Variants in CCNG2 observed in about 807,000 individuals in gnomAD.
CCNG2 encodes cyclin G2, also known as cyclin-G2.
CCNG2 carries 20 observed loss-of-function variants against 36.5 expected under a neutral mutation model. The observed-to-expected ratio is 0.55, with a 90% confidence interval of 0.39 to 0.80. The LOEUF is 0.80. CCNG2 is among the 30% of genes least tolerant of loss of function. The pLI is 0.00. For synonymous variants in CCNG2, 155 were observed against 140.1 expected, an observed-to-expected ratio of 1.11 and a Z score of -0.75; for missense variants, 358 against 390.8, an observed-to-expected ratio of 0.92 and a Z score of 0.71.
rs34505988 is a variant in CCNG2 at position 77,161,099 on chromosome 4, C to CTTTTTTTTTT, written c.527+138_527+147dup. 5.3e-3 allele frequency: 1,640 copies of CTTTTTTTTTT among 307,450 alleles called. 84 individuals carry two copies. Among genetic ancestry groups the CTTTTTTTTTT allele is most frequent in the African/African-American group, 0.034 (1,094 of 31,878 alleles). The allele number at this position is 307,450 out of a possible 1,614,324, so 19.0% of individuals were successfully genotyped here. Reference sequence around the variant, plus strand: ...TTCAACTTTGACTTTATTGGTAAATCTTTTTTTTTTTTTTTTTTTGGAGAA... The same window carrying CTTTTTTTTTT: ...TTCAACTTTGACTTTATTGGTAAATCTTTTTTTTTTTTTTTTTTTTTTTTTTTTTGGAGAA... On this transcript the variant is annotated intron_variant, in intron 4 of 7. Transcript: ENST00000316355.
intron 7 of CCNG2, chr4:77,164,842 T>A (rs535990502): frequency 6.2e-6 from 1 of 160,204 alleles, no homozygotes; most frequent in African/African-American, 2.4e-5. Context: ...CGGCCTCTTT[T>A]CCCTTTTTAA....
chr4:77,160,687 A>C, intron 3 of CCNG2, 34 bp from the exon 4 acceptor site: 2 of 1,598,978 alleles, frequency 1.3e-6, no homozygotes, highest in Non-Finnish European at 1.7e-6. Flanking sequence ...TCAAAGTGAC[A>C]GTTGTTAAAA....
Position 77,157,519 on chromosome 4 carries a change from G to A in CCNG2, c.-1+13G>A. 6.5e-6 allele frequency: 1 copy of A among 152,678 alleles called. No homozygotes were observed. Among genetic ancestry groups the A allele is most frequent in the Non-Finnish European group, 1.5e-5 (1 of 68,322 alleles). 9.5% of individuals were successfully genotyped at this position (152,678 alleles called of 1,614,324 possible). ...CGTCTCCGGCACGGTGAGTGGACCC[G>A]CCCAGGGCCGCCGTGGGTTTCTTTG... On this transcript the variant is annotated intron_variant, in intron 1 of 7. Coordinates refer to ENST00000316355, the MANE Select transcript of CCNG2 (RefSeq NM_004354.3).
rs1268051826 is a variant in CCNG2, at chr4:77,165,929, CTGAT to C, written c.*8_*11del. ...ACACTGTGCTTTCCATCTTAGAAAT[CTGAT>C]TGTTCTGTCAGAATTTATATTTACA... On this transcript the variant is annotated 3_prime_UTR_variant, in exon 8 of 8. Coordinates refer to ENST00000316355, the MANE Select transcript of CCNG2 (RefSeq NM_004354.3). 6.3e-7 allele frequency: 1 copy of C among 1,590,486 alleles called. No individual in the cohort carries two copies. The highest frequency in any genetic ancestry group is 8.5e-7 in the Non-Finnish European group (1 of 1,173,130).
intron 7 of CCNG2, among the ~76,000 whole-genome samples, chr4:77,165,347 T>TA (rs1346031979): frequency 6.6e-6 from 1 of 152,248 alleles, no homozygotes; most frequent in Non-Finnish European, 1.5e-5. Flanking sequence ...TACTTGCTGA[T>TA]AGTTATTAAT....
At chr4:77,157,752 C>T (rs909024878) in intron 1 of CCNG2, among the ~76,000 whole-genome samples, 1 of 152,170 alleles carries the variant, frequency 6.6e-6, no homozygotes, top group African/African-American at 2.4e-5. Flanking sequence ...GTGCCCCCCG[C>T]CCCCGCTCGT....
At chr4:77,159,984 G>A (rs940280784) in intron 3 of CCNG2, among the ~76,000 whole-genome samples, 1 of 152,132 alleles carries the variant, frequency 6.6e-6, no homozygotes, top group African/African-American at 2.4e-5. Context: ...GGAATCTTCT[G>A]CCAGTAGGAT....
chr4:77,159,707 G>A (rs1185024265), intron 3 of CCNG2, among the ~76,000 whole-genome samples: 1 of 152,116 alleles, frequency 6.6e-6, no homozygotes, highest in Non-Finnish European at 1.5e-5. Flanking sequence ...TTGTGTCTTA[G>A]GTTTTACCTC....
At chr4:77,160,158 A>G (rs1487665829) in intron 3 of CCNG2, among the ~76,000 whole-genome samples, 1 of 151,390 alleles carries the variant, frequency 6.6e-6, no homozygotes, top group Non-Finnish European at 1.5e-5. Flanking sequence ...TTATGTAAAA[A>G]GATAAGTATA....
rs1249879720 is a variant in CCNG2 at position 77,168,077 on chromosome 4, A to G, written c.*2153A>G. ...TCGAGACCTCTCTGCTGAGCTTGCA[A>G]CCTGTTTATTCACATGGCCTGCCAT... On this transcript the variant is annotated 3_prime_UTR_variant, in exon 8 of 8. Coordinates refer to ENST00000316355, the MANE Select transcript of CCNG2 (RefSeq NM_004354.3). 1.3e-5 allele frequency: 2 copies of G among 152,122 alleles called. No homozygotes were observed. Among genetic ancestry groups the G allele is most frequent in the African/African-American group, 2.4e-5 (1 of 41,416 alleles). The allele number at this position is 152,122 out of a possible 1,614,324, so 9.4% of individuals were successfully genotyped here.
rs1731363946 is a variant in CCNG2, at chr4:77,159,350, C to T, written c.139-17C>T. The T allele has an allele frequency of 1.9e-6, 3 of 1,596,572 alleles. No homozygotes were observed. Among genetic ancestry groups the T allele is most frequent in the Non-Finnish European group, 2.6e-6 (3 of 1,171,132 alleles). ...TCTAAGAAAATTGTAAACCTTGGTT[C>T]TTGGTTTTTATTGCAGAATGATAAC... On this transcript the variant is annotated splice_polypyrimidine_tract_variant and intron_variant, in intron 2 of 7. Transcript: ENST00000316355.
chr4:77,163,356 T>C (rs1384858619), intron 6 of CCNG2, among the ~76,000 whole-genome samples: 1 of 152,084 alleles, frequency 6.6e-6, no homozygotes, highest in African/African-American at 2.4e-5. Context: ...AGATCCAATA[T>C]AATGAAAATT....
chr4:77,166,628 T>A lies in CCNG2; in HGVS notation c.*704T>A, dbSNP rs1368932038. On this transcript the variant is annotated 3_prime_UTR_variant, in exon 8 of 8. Coordinates refer to ENST00000316355, the MANE Select transcript of CCNG2 (RefSeq NM_004354.3). ...CTATGGTATTATTTTAATGTTACTTTAAAAATCCATAATCTGCTAGTTTTG... is the reference window on the plus strand; with the variant it reads ...CTATGGTATTATTTTAATGTTACTTAAAAAATCCATAATCTGCTAGTTTTG... 1 of 152,216 alleles carries A rather than the reference T, an allele frequency of 6.6e-6. No homozygotes were observed. Among genetic ancestry groups the A allele is most frequent in the Non-Finnish European group, 1.5e-5 (1 of 68,034 alleles). The allele number at this position is 152,216 out of a possible 1,614,324, so 9.4% of individuals were successfully genotyped here.
intron 2 of CCNG2, among the ~76,000 whole-genome samples, chr4:77,158,921 C>G (rs1487889964): frequency 6.6e-6 from 1 of 152,232 alleles, no homozygotes; most frequent in African/African-American, 2.4e-5. Context: ...CCCCCATACT[C>G]CAGCCTGCAG....
Position 77,157,241 on chromosome 4 carries a change from C to T in CCNG2, c.-266C>T, listed in dbSNP as rs534415485. The T allele has an allele frequency of 2.0e-5, 3 of 152,500 alleles. No individual in the cohort carries two copies. The highest frequency in any genetic ancestry group is 7.2e-5 in the African/African-American group (3 of 41,572). 9.4% of individuals were successfully genotyped at this position (152,500 alleles called of 1,614,324 possible). ...AAAAACAAGGGGCTCGGGGAGGTTT[C>T]CGCTGAGGCGGCGGGGGTGCGGCGG... On this transcript the variant is annotated 5_prime_UTR_variant, in exon 1 of 8. Transcript: ENST00000316355.
chr4:77,161,616 A>G, intron 5 of CCNG2, 33 bp from the exon 6 acceptor site: 1 of 1,570,766 alleles, frequency 6.4e-7, no homozygotes. Flanking sequence ...AATTTTTAAA[A>G]AATATTTTTC....
intron 6 of CCNG2, among the ~76,000 whole-genome samples, chr4:77,162,773 A>G (rs766752610): frequency 6.6e-6 from 1 of 152,078 alleles, no homozygotes; most frequent in Non-Finnish European, 1.5e-5. Context: ...AATCTTTGAC[A>G]GTGAAAGTTT....
In CCNG2 at chr4:77,157,420, C is replaced by T. The variant is rs993486947; in HGVS notation, c.-87C>T. Reference sequence around the variant, plus strand: ...CACCGCTGAGGCGGTGGGTCCCCGACCTGCGAGACAGGTTTGGAAGCCCCC... The same window carrying T: ...CACCGCTGAGGCGGTGGGTCCCCGATCTGCGAGACAGGTTTGGAAGCCCCC... On this transcript the variant is annotated 5_prime_UTR_variant, in exon 1 of 8. Transcript: ENST00000316355. The T allele has an allele frequency of 6.6e-6, 1 of 152,400 alleles. No individual in the cohort carries two copies. The highest frequency in any genetic ancestry group is 1.5e-5 in the Non-Finnish European group (1 of 68,208). 9.4% of individuals were successfully genotyped at this position (152,400 alleles called of 1,614,324 possible).
intron 6 of CCNG2, 60 bp from the exon 7 acceptor site, chr4:77,164,214 C>G (rs1369096158): frequency 7.8e-7 from 1 of 1,283,572 alleles, no homozygotes; most frequent in Non-Finnish European, 1.1e-6. Context: ...CCTAGTGATT[C>G]CAAGGTGCAG....
Sources: gnomAD v4.1 joint callset for allele counts (sites outside exome capture counted in the v4.1 genomes callset) on GRCh38, gnomAD v4.1.1 for gene constraint, MANE v1.5 for transcripts, NCBI Gene and HGNC (gene_info 2026-07-23, HGNC 2026-07-21) for gene names.